Variants in TRIO observed in about 807,000 individuals in gnomAD.
The protein encoded by TRIO is trio Rho guanine nucleotide exchange factor, also known as triple functional domain protein.
Under a neutral mutation model 351.9 loss-of-function variants are expected in TRIO, and 58 were observed. That is an observed-to-expected ratio of 0.16 (90% CI 0.13 to 0.21). The LOEUF is 0.21. Among genes scored for constraint, TRIO ranks in the 10% least tolerant of loss-of-function variants. The pLI is 1.00. For synonymous variants in TRIO, 1,758 were observed against 1,595.7 expected (o/e 1.10, Z -2.42); for missense variants, 3,201 against 4,027.8 (o/e 0.79, Z 5.56).
chr5:14,292,977 G>C lies in TRIO; in HGVS notation c.1054-35G>C, dbSNP rs749154721. 2.0e-5 allele frequency: 33 copies of C among 1,613,342 alleles called. 1 individual carries two copies. The Middle Eastern group carries it at 2.6e-3, about 129-fold the overall frequency. On this transcript the variant is annotated intron_variant, in intron 5 of 56. Transcript: ENST00000344204. ...GCTTGTGTCAGTAATTTCTCTTTCTGGAGTGATTGCGGGTTGTCTTTTTCC... is the reference window on the plus strand; with the variant it reads ...GCTTGTGTCAGTAATTTCTCTTTCTCGAGTGATTGCGGGTTGTCTTTTTCC...
chr5:14,361,581 A>G (rs1379935363), intron 13 of TRIO, among the ~76,000 whole-genome samples: 1 of 152,226 alleles, frequency 6.6e-6, no homozygotes, highest in African/African-American at 2.4e-5. Flanking sequence ...CCATAGGAGT[A>G]TGGAGTTATG....
intron 11 of TRIO, among the ~76,000 whole-genome samples, chr5:14,342,795 T>C (rs1742056742): frequency 6.6e-6 from 1 of 152,244 alleles, no homozygotes; most frequent in African/African-American, 2.4e-5. Context: ...ACACACATGC[T>C]TCTTAACTTA....
chr5:14,419,161 C>A (rs961898811), intron 33 of TRIO, among the ~76,000 whole-genome samples: 2 of 152,168 alleles, frequency 1.3e-5, no homozygotes, highest in East Asian at 3.9e-4. Flanking sequence ...GTGCCTGCTG[C>A]GTGTTGAGGC....
Position 14,462,991 on chromosome 5 carries a change from G to A in TRIO, c.5667+66G>A, listed in dbSNP as rs116808625. ...CAGGGGCAGGGCACGCTCGGTAGCTGCTTCACACCAGCCTCATTTCAGGAG... is the reference window on the plus strand; with the variant it reads ...CAGGGGCAGGGCACGCTCGGTAGCTACTTCACACCAGCCTCATTTCAGGAG... On this transcript the variant is annotated intron_variant, in intron 36 of 56. Transcript: ENST00000344204. 5 of 1,473,910 alleles carry A rather than the reference G, an allele frequency of 3.4e-6. No individual in the cohort carries two copies. In the African/African-American group the frequency reaches 7.2e-5, roughly 21 times the overall value. 91.3% of individuals were successfully genotyped at this position (1,473,910 alleles called of 1,614,324 possible). A position where few individuals can be genotyped will look rare whatever the true frequency, so the allele number is the denominator to read the frequency against.
chr5:14,343,014 C>G (rs577504049), intron 11 of TRIO, among the ~76,000 whole-genome samples: 1 of 149,316 alleles, frequency 6.7e-6, no homozygotes, highest in Non-Finnish European at 1.5e-5. Flanking sequence ...CCAAAGATGT[C>G]ATATCTTTAA....
At chr5:14,400,400 G>T (rs1747972687) in intron 30 of TRIO, among the ~76,000 whole-genome samples, 1 of 152,084 alleles carries the variant, frequency 6.6e-6, no homozygotes, top group Non-Finnish European at 1.5e-5. Context: ...TGGGGGAGGG[G>T]CTGAAGCTAT....
At chr5:14,377,966 A>C (rs781769589) in intron 19 of TRIO, 46 bp from the exon 20 acceptor site, 15 of 1,467,244 alleles carry the variant, frequency 1.0e-5, no homozygotes, top group Non-Finnish European at 1.3e-5. Flanking sequence ...CGGTTGTTTT[A>C]ATTGATTGCA....
intron 6 of TRIO, among the ~76,000 whole-genome samples, chr5:14,294,747 C>G (rs1737199390): frequency 1.3e-5 from 2 of 152,098 alleles, no homozygotes; most frequent in Non-Finnish European, 2.9e-5. Context: ...AATCTGTAAA[C>G]TGGGGGTAAT....
At chr5:14,356,248 T>C (rs1743601397) in intron 11 of TRIO, among the ~76,000 whole-genome samples, 1 of 152,236 alleles carries the variant, frequency 6.6e-6, no homozygotes, top group Non-Finnish European at 1.5e-5. Context: ...ATGGAATTGA[T>C]ACTAAGATTT....
At chr5:14,199,283 T>G (rs1248229180) in intron 1 of TRIO, among the ~76,000 whole-genome samples, 3 of 150,700 alleles carry the variant, frequency 2.0e-5, no homozygotes, top group African/African-American at 7.3e-5. Flanking sequence ...TAAAGGCAGT[T>G]GTGAGGTATT....
At chr5:14,155,095 G>T (rs1304443595) in intron 1 of TRIO, among the ~76,000 whole-genome samples, 1 of 152,190 alleles carries the variant, frequency 6.6e-6, no homozygotes, top group Admixed American at 6.5e-5. Context: ...TGTATTAATT[G>T]TGGATTACAT....
intron 10 of TRIO, among the ~76,000 whole-genome samples, 184 bp from the exon 11 acceptor site, chr5:14,336,352 C>G (rs2152319143): frequency 6.6e-6 from 1 of 152,306 alleles, no homozygotes; most frequent in South Asian, 2.1e-4. Context: ...TCTAAAACAA[C>G]AGCGGGAAAG....
chr5:14,207,523 TACACACACACACACAC>T (rs113435385), intron 1 of TRIO, among the ~76,000 whole-genome samples: 1 of 53,196 alleles, frequency 1.9e-5, no homozygotes, highest in Non-Finnish European at 4.1e-5. Flanking sequence ...ACTGTCTCTC[TACACACACACACACAC>T]ACACACACAC....
intron 48 of TRIO, among the ~76,000 whole-genome samples, chr5:14,491,046 A>G (rs761201772): frequency 3.0e-4 from 45 of 152,184 alleles, no homozygotes; most frequent in Non-Finnish European, 6.0e-4. Flanking sequence ...CCTCCACGGC[A>G]GAGACAAAGA....
chr5:14,494,463 T>A (rs1756727149), intron 49 of TRIO, among the ~76,000 whole-genome samples: 1 of 152,224 alleles, frequency 6.6e-6, no homozygotes, highest in Non-Finnish European at 1.5e-5. Context: ...ATATTACTGT[T>A]CTTTGAAAAT....
At chr5:14,420,133 G>A (rs1749994248) in intron 34 of TRIO, 112 bp downstream of exon 34, 2 of 1,487,162 alleles carry the variant, frequency 1.3e-6, no homozygotes, top group Non-Finnish European at 1.8e-6. Flanking sequence ...TGTCAGCTGT[G>A]CCTTCAGCAC....
rs555235204 is a variant in TRIO, at chr5:14,342,580, T to G, written c.2046+5853T>G. Among the ~76,000 whole-genome samples the G allele has an allele frequency of 2.0e-5, 3 of 152,362 alleles. No individual in the cohort carries two copies. The East Asian group carries it at 5.8e-4, about 29-fold the overall frequency. On this transcript the variant is annotated intron_variant, in intron 11 of 56. Coordinates refer to ENST00000344204, the MANE Select transcript of TRIO (RefSeq NM_007118.4). ...CTGCAGCCACAGAACACAGTCATTT[T>G]CTGAATTATCCCAGTCTCTCATGCG... is the stretch of plus-strand genomic sequence containing the variant.
At chr5:14,199,354 A>G (rs954609614) in intron 1 of TRIO, among the ~76,000 whole-genome samples, 1 of 152,226 alleles carries the variant, frequency 6.6e-6, no homozygotes, top group South Asian at 2.1e-4. Flanking sequence ...TGGATTATTA[A>G]TGCAGAACTG....
At chr5:14,403,538 A>G (rs1393077762) in intron 31 of TRIO, among the ~76,000 whole-genome samples, 1 of 45,178 alleles carries the variant, frequency 2.2e-5, no homozygotes, top group African/African-American at 1.2e-4. Flanking sequence ...GGTTGTGGTG[A>G]GGGTGCAGGT....
Sources: gnomAD v4.1 joint callset for allele counts (sites outside exome capture counted in the v4.1 genomes callset) on GRCh38, gnomAD v4.1.1 for gene constraint, MANE v1.5 for transcripts, NCBI Gene and HGNC (gene_info 2026-07-23, HGNC 2026-07-21) for gene names.